HPS1: variants seen among roughly 807,000 people sequenced by gnomAD.
HPS1 encodes the protein BLOC-3 complex member HPS1.
HPS1 carries 59 observed loss-of-function variants against 90.6 expected under a neutral mutation model. That is an observed-to-expected ratio of 0.65 (90% CI 0.53 to 0.81). The LOEUF is 0.81. Ranked by LOEUF, HPS1 falls within the 30% of genes least tolerant of loss-of-function variation. HPS1 has a pLI of 0.00. For synonymous variants in HPS1, 388 were observed against 384.4 expected, an observed-to-expected ratio of 1.01 and a Z score of -0.11; for missense variants, 849 against 896.7, an observed-to-expected ratio of 0.95 and a Z score of 0.68.
intron 18 of HPS1, 21 bp downstream of exon 18, chr10:98,420,024 C>A (rs1317389522): frequency 5.4e-6 from 8 of 1,489,922 alleles, no homozygotes; most frequent in Non-Finnish European, 7.5e-6. Flanking sequence ...CGTCCTGGCC[C>A]AGGGACTCAG....
intron 3 of HPS1, among the ~76,000 whole-genome samples, chr10:98,441,088 A>AT (rs1254798636): frequency 1.3e-5 from 2 of 152,194 alleles, no homozygotes; most frequent in Non-Finnish European, 2.9e-5. Flanking sequence ...CAGCTCACTC[A>AT]TTGGCTGGAT....
chr10:98,418,467 C>G (rs1312606427), intron 18 of HPS1, among the ~76,000 whole-genome samples: 2 of 152,194 alleles, frequency 1.3e-5, no homozygotes, highest in African/African-American at 4.8e-5. Flanking sequence ...CAAGGGCCGG[C>G]AGGGTAGCTC....
chr10:98,426,571 G>A lies in HPS1; in HGVS notation c.988-586C>T, dbSNP rs148064378. On this transcript the variant is annotated intron_variant, in intron 11 of 19. Transcript: ENST00000361490. ...TAACAGCAAACACTGGACACATGACGCGATTTTCCTGGGGATTTGCTAGAT... is the reference window on the plus strand; with the variant it reads ...TAACAGCAAACACTGGACACATGACACGATTTTCCTGGGGATTTGCTAGAT... 2.8e-3 allele frequency among the ~76,000 whole-genome samples: 424 copies of A among 152,298 alleles called. 1 individual carries two copies. The highest frequency in any genetic ancestry group is 4.2e-3 in the Non-Finnish European group (283 of 68,022).
Position 98,420,099 on chromosome 10 carries a change from C to T in HPS1, c.1803G>A (p.Leu601=). 6.2e-7 allele frequency: 1 copy of T among 1,614,150 alleles called. No individual in the cohort carries two copies. The part of the protein sequence containing the change: ...RYLQKGYTTL[L]FQEGDFYCSY... ...AGCAGTAGAAATCCCCCTCCTGGAA[C>T]AGCAGCGTGGTGTAGCCCTTCTGCA... Residue 601 remains leucine, a synonymous_variant, in exon 18 of 20, where the codon CTG becomes CTA. Coordinates refer to ENST00000361490, the MANE Select transcript of HPS1 (RefSeq NM_000195.5).
In HPS1 at chr10:98,423,645, T is replaced by C; in HGVS notation, c.1556A>G (p.Asp519Gly). The change falls in exon 16 of 20, where the codon GAC (aspartate) becomes GGC (glycine). Residue 519 changes from aspartate (D) to glycine (G), a missense_variant. Asp to Gly is a moderately conservative substitution (Grantham distance 94). Coordinates refer to ENST00000361490, the MANE Select transcript of HPS1 (RefSeq NM_000195.5). ...LMREKLTDWK[D>G]FLLVKSRRNI... ...CCTCCTGCTCTTCACCAGCAAGAAG[T>C]CCTTCCAGTCCGTCAGCTTCTCCCT... 1.2e-6 allele frequency: 2 copies of C among 1,613,898 alleles called. No individual in the cohort carries two copies. The highest frequency in any genetic ancestry group is 2.7e-5 in the African/African-American group (2 of 75,016).
intron 9 of HPS1, 56 bp from the exon 10 acceptor site, chr10:98,429,698 T>A (rs1846118574): frequency 6.2e-7 from 1 of 1,613,960 alleles, no homozygotes; most frequent in Admixed American, 1.7e-5. Flanking sequence ...CTCAACCCTG[T>A]CCCTGCTCTC....
In HPS1 at chr10:98,435,349, C is replaced by T. The variant is rs1201566098; in HGVS notation, c.321G>A (p.Arg107=). The part of the protein sequence containing the change: ...DHTESEGDLR[R]KLYVLKYLFE... ...ACAGGTACTTGAGCACATACAGCTTCCGCCGCAGGTCCCCCTCGCTCTCGG... is the reference window on the plus strand; with the variant it reads ...ACAGGTACTTGAGCACATACAGCTTTCGCCGCAGGTCCCCCTCGCTCTCGG... Residue 107 remains arginine, a synonymous_variant, in exon 5 of 20, where the codon CGG becomes CGA. Transcript: ENST00000361490. The surrounding 1 kb of genome is among the most constrained non-coding windows in gnomAD (Gnocchi z 4.3). The T allele has an allele frequency of 1.9e-6, 3 of 1,613,882 alleles. No homozygotes were observed. The highest frequency in any genetic ancestry group is 2.5e-6 in the Non-Finnish European group (3 of 1,180,018).
intron 3 of HPS1, among the ~76,000 whole-genome samples, chr10:98,437,762 G>A (rs1937627294): frequency 6.6e-6 from 1 of 152,216 alleles, no homozygotes; most frequent in Non-Finnish European, 1.5e-5. Flanking sequence ...CATGACTATA[G>A]CTTTTTCTGC....
At position 98,446,892 on chromosome 10, in the gene HPS1, C is replaced by T. The variant is rs577312711; in HGVS notation, c.-191G>A. 1 of 152,068 alleles carries T rather than the reference C, an allele frequency of 6.6e-6. No homozygotes were observed. The highest frequency in any genetic ancestry group is 1.9e-4 in the East Asian group (1 of 5,148). 9.4% of individuals were successfully genotyped at this position (152,068 alleles called of 1,614,324 possible). On this transcript the variant is annotated 5_prime_UTR_variant, in exon 1 of 20. Coordinates refer to ENST00000361490, the MANE Select transcript of HPS1 (RefSeq NM_000195.5). ...CAGCCCGGAGGCCCACGTACCGGATCGCGGCGCGCACAGCGCCCCGCCTGC... is the reference window on the plus strand; with the variant it reads ...CAGCCCGGAGGCCCACGTACCGGATTGCGGCGCGCACAGCGCCCCGCCTGC...
chr10:98,435,904 G>T lies in HPS1; in HGVS notation c.118-132C>A. The stretch of plus-strand genomic sequence containing the variant: ...CTCCTGGGAGGGTATCACTGTCCTG[G>T]TAGGGAGGGGAGCAAAAAGAGACTG... On this transcript the variant is annotated intron_variant, in intron 3 of 19. Coordinates refer to ENST00000361490, the MANE Select transcript of HPS1 (RefSeq NM_000195.5). This position sits in a 1 kb window ranked among gnomAD's most constrained non-coding sequence, Gnocchi z 4.3. 1 of 1,135,330 alleles carries T rather than the reference G, an allele frequency of 8.8e-7. No individual in the cohort carries two copies. The highest frequency in any genetic ancestry group is 1.3e-6 in the Non-Finnish European group (1 of 787,592). The allele number at this position is 1,135,330 out of a possible 1,614,324, so 70.3% of individuals were successfully genotyped here.
chr10:98,423,879 T>C lies in HPS1; in HGVS notation c.1406A>G (p.Gln469Arg), dbSNP rs148978269. The C allele has an allele frequency of 2.3e-4, 368 of 1,613,736 alleles. No individual in the cohort carries two copies. The African/African-American group carries it at 4.3e-3, about 19-fold the overall frequency. Reference sequence around the variant, plus strand: ...CTGCCGCTTCAGCTTCCCACATGCCTGGAGCAGCCTGAGCACGAGAGAGGA... The same window carrying C: ...CTGCCGCTTCAGCTTCCCACATGCCCGGAGCAGCCTGAGCACGAGAGAGGA... ...SEPGSSWELL[Q>R]ACGKLKRQLC... is the part of the protein sequence containing the mutation. The change falls in exon 15 of 20, where the codon CAG (glutamine) becomes CGG (arginine). Residue 469 changes from glutamine (Q) to arginine (R), a missense_variant. Coordinates refer to ENST00000361490, the MANE Select transcript of HPS1 (RefSeq NM_000195.5).
At chr10:98,420,838 G>T (rs749363289) in intron 17 of HPS1, among the ~76,000 whole-genome samples, 1 of 152,202 alleles carries the variant, frequency 6.6e-6, no homozygotes, top group African/African-American at 2.4e-5. Flanking sequence ...CCCCTCCTCT[G>T]CCTGGGGTCG....
Position 98,435,731 on chromosome 10 carries a change from C to G in HPS1, c.159G>C (p.Pro53=). The G allele has an allele frequency of 6.2e-7, 1 of 1,614,096 alleles. No homozygotes were observed. Among genetic ancestry groups the G allele is most frequent in the Non-Finnish European group, 8.5e-7 (1 of 1,180,018 alleles). ...LEDQLSTLLA[P]VIISSMTMLE... ...GCATCGTCATGGAGGAGATGATGAC[C>G]GGGGCTAGGAGGGTGCTGAGCTGGT... Residue 53 remains proline, a synonymous_variant, in exon 4 of 20, where the codon CCG becomes CCC. Coordinates refer to ENST00000361490, the MANE Select transcript of HPS1 (RefSeq NM_000195.5). The surrounding 1 kb of genome is among the most constrained non-coding windows in gnomAD (Gnocchi z 4.3).
intron 10 of HPS1, among the ~76,000 whole-genome samples, chr10:98,428,157 C>A (rs973020404): frequency 6.6e-6 from 1 of 152,294 alleles, no homozygotes; most frequent in East Asian, 1.9e-4. Flanking sequence ...GGAACCCTCA[C>A]CCCAGGAATG....
intron 3 of HPS1, among the ~76,000 whole-genome samples, chr10:98,437,191 A>C (rs1307032086): frequency 6.6e-6 from 1 of 152,196 alleles, no homozygotes; most frequent in Non-Finnish European, 1.5e-5. Flanking sequence ...AGCAAGGATC[A>C]TGTTGCTACG....
chr10:98,430,478 AGTCCCCAGG>A, intron 8 of HPS1, 84 bp downstream of exon 8: 1 of 904,992 alleles, frequency 1.1e-6, no homozygotes, highest in Non-Finnish European at 1.8e-6. Context: ...GAAAACATGG[AGTCCCCAGG>A]GGGAGCCTGC....
chr10:98,420,207 T>C, intron 17 of HPS1, 49 bp from the exon 18 acceptor site: 1 of 1,365,622 alleles, frequency 7.3e-7, no homozygotes, highest in Non-Finnish European at 1.0e-6. Flanking sequence ...TTGGTCTGCC[T>C]GGGCAGCTCT....
chr10:98,445,147 G>A lies in HPS1; in HGVS notation c.-1+153C>T, dbSNP rs1416731610. The stretch of plus-strand genomic sequence containing the variant: ...GAGATGAGGCATCAGGATGGGGGTG[G>A]CCTCAGGATGCAGGGCTGGGGAGGG... On this transcript the variant is annotated intron_variant, in intron 2 of 19. Transcript: ENST00000361490. This position sits in a 1 kb window ranked among gnomAD's most constrained non-coding sequence, Gnocchi z 4.5. Among the ~76,000 whole-genome samples the A allele has an allele frequency of 6.6e-6, 1 of 152,114 alleles. No homozygotes were observed. Among genetic ancestry groups the A allele is most frequent in the Non-Finnish European group, 1.5e-5 (1 of 67,998 alleles).
intron 10 of HPS1, 40 bp from the exon 11 acceptor site, chr10:98,427,304 T>C: frequency 1.3e-6 from 2 of 1,511,998 alleles, no homozygotes; most frequent in African/African-American, 1.4e-5. Flanking sequence ...GTAAGTACCA[T>C]GAGATGTAAG....
Sources: allele counts gnomAD v4.1 joint callset (sites outside exome capture counted in the v4.1 genomes callset), GRCh38; gene constraint gnomAD v4.1.1; non-coding constraint Gnocchi (gnomAD v3.1); transcripts MANE v1.5; gene names NCBI Gene and HGNC (gene_info 2026-07-23, HGNC 2026-07-21).